Variants in PDE8B observed in about 807,000 individuals in gnomAD.
PDE8B encodes phosphodiesterase 8B.
In PDE8B, 26 loss-of-function variants were observed where a neutral mutation model predicts 101.3. The ratio of observed to expected loss-of-function variants is 0.26; its 90% confidence interval spans 0.19 to 0.36. The LOEUF (loss-of-function observed/expected upper bound fraction) is 0.36. Among genes scored for constraint, PDE8B ranks in the 10% least tolerant of loss-of-function variants. PDE8B has a pLI of 1.00. For synonymous variants in PDE8B, 424 were observed against 429.3 expected (o/e 0.99, Z 0.15); for missense variants, 810 against 1,163.1 (o/e 0.70, Z 4.42).
At chr5:77,418,160 C>A in intron 17 of PDE8B, 69 bp from the exon 18 acceptor site, 1 of 1,035,140 alleles carries the variant, frequency 9.7e-7, no homozygotes, top group Non-Finnish European at 1.5e-6. Flanking sequence ...ACCCTCCGCA[C>A]AGACAAGGAT....
At chr5:77,232,510 G>C (rs1478684790) in intron 1 of PDE8B, among the ~76,000 whole-genome samples, 2 of 152,198 alleles carry the variant, frequency 1.3e-5, no homozygotes, top group Non-Finnish European at 2.9e-5. Flanking sequence ...CATAGCTTAG[G>C]GGGAAGATGC....
At chr5:77,145,815 T>G in the PDE8B span, 1 of 152,160 alleles carries the variant, frequency 6.6e-6, no homozygotes, top group African/African-American at 2.4e-5. Flanking sequence ...AAAATTCTAC[T>G]GGCAGGAAGC....
At chr5:77,278,904 G>T (rs1764392184) in intron 1 of PDE8B, among the ~76,000 whole-genome samples, 1 of 152,042 alleles carries the variant, frequency 6.6e-6, no homozygotes. Flanking sequence ...AGTTCATTCA[G>T]GGTATGAAAT....
chr5:77,240,311 G>C (rs1049955240), intron 1 of PDE8B, among the ~76,000 whole-genome samples: 1 of 152,070 alleles, frequency 6.6e-6, no homozygotes, highest in Non-Finnish European at 1.5e-5. Flanking sequence ...CCGCCACCGC[G>C]CCCGGCTACT....
the PDE8B span, among the ~76,000 whole-genome samples, chr5:77,134,806 G>A: frequency 1.3e-5 from 2 of 152,178 alleles, no homozygotes; most frequent in Admixed American, 1.3e-4. Context: ...GCGATCTCAA[G>A]ACAACTGGCG....
At chr5:77,097,685 T>TTTTATA in the PDE8B span, among the ~76,000 whole-genome samples, 1 of 18,116 alleles carries the variant, frequency 5.5e-5, no homozygotes, top group African/African-American at 1.3e-4. Flanking sequence ...TGTGGAGATT[T>TTTTATA]TATATATCTA....
chr5:77,385,039 G>C (rs1467286497), intron 10 of PDE8B, among the ~76,000 whole-genome samples: 1 of 152,168 alleles, frequency 6.6e-6, no homozygotes, highest in Admixed American at 6.5e-5. Context: ...AATAGTTTTA[G>C]AATGAATGGT....
intron 10 of PDE8B, among the ~76,000 whole-genome samples, chr5:77,397,026 A>ATTTTTTTTTTTTTTTTTTTGTTTT (rs1791209954): frequency 1.2e-5 from 1 of 84,420 alleles, no homozygotes; most frequent in African/African-American, 5.5e-5. Context: ...CCGATAAGAA[A>ATTTTTTTTTTTTTTTTTTTGTTTT]TTTTTTTTTT....
intron 10 of PDE8B, among the ~76,000 whole-genome samples, chr5:77,370,669 A>G (rs1370722292): frequency 6.6e-6 from 1 of 152,218 alleles, no homozygotes; most frequent in Admixed American, 6.5e-5. Context: ...CTCTTGGGAA[A>G]ATACCTAGGA....
chr5:77,411,614 A>T (rs1794579500), intron 14 of PDE8B, 62 bp from the exon 15 acceptor site: 5 of 1,380,552 alleles, frequency 3.6e-6, no homozygotes, highest in South Asian at 3.6e-5. Flanking sequence ...TAATAATAAA[A>T]AAAAAAAGAG....
chr5:77,329,688 T>A (rs577186512), intron 4 of PDE8B, among the ~76,000 whole-genome samples: 2 of 152,232 alleles, frequency 1.3e-5, no homozygotes, highest in Non-Finnish European at 2.9e-5. Flanking sequence ...AGAAAAGTTG[T>A]CTGTGCAAGC....
At chr5:77,282,400 C>A (rs1409387061) in intron 1 of PDE8B, among the ~76,000 whole-genome samples, 1 of 152,090 alleles carries the variant, frequency 6.6e-6, no homozygotes, top group Non-Finnish European at 1.5e-5. Flanking sequence ...TCTCAGCCCC[C>A]ACACTGCGCT....
the PDE8B span, among the ~76,000 whole-genome samples, chr5:77,193,676 C>G: frequency 6.6e-6 from 1 of 152,030 alleles, no homozygotes; most frequent in African/African-American, 2.4e-5. Flanking sequence ...CATAATTTTT[C>G]TAATCATTTT....
chr5:77,364,660 C>T (rs1254921879), intron 10 of PDE8B, among the ~76,000 whole-genome samples: 2 of 152,130 alleles, frequency 1.3e-5, no homozygotes, highest in African/African-American at 4.8e-5. Context: ...GTGGCTTCAA[C>T]TTTTCCTCAT....
the PDE8B span, among the ~76,000 whole-genome samples, chr5:77,095,211 C>T: frequency 2.0e-5 from 3 of 152,150 alleles, no homozygotes; most frequent in Non-Finnish European, 2.9e-5. Context: ...AAGACACTCT[C>T]ATAATAAGCA....
chr5:77,111,674 T>G, the PDE8B span, among the ~76,000 whole-genome samples: 1 of 152,212 alleles, frequency 6.6e-6, no homozygotes, highest in African/African-American at 2.4e-5. Flanking sequence ...GTAGAATTTT[T>G]CTGATACCTG....
chr5:77,320,016 TC>T (rs1305556689), intron 2 of PDE8B, among the ~76,000 whole-genome samples: 2 of 152,218 alleles, frequency 1.3e-5, no homozygotes, highest in Admixed American at 6.5e-5. Flanking sequence ...TTTTTTCATT[TC>T]CCTATATATT....
the PDE8B span, among the ~76,000 whole-genome samples, chr5:77,159,568 T>C: frequency 1.3e-5 from 2 of 152,196 alleles, no homozygotes; most frequent in South Asian, 2.1e-4. Context: ...TAAGTTAATA[T>C]GTAATCAACT....
chr5:77,291,616 G>T (rs1767359750), intron 1 of PDE8B: 2 of 1,597,726 alleles, frequency 1.3e-6, no homozygotes, highest in Non-Finnish European at 1.7e-6. Context: ...GGATCAGACT[G>T]TGGCACTGTA....
Sources: allele counts gnomAD v4.1 joint callset (sites outside exome capture counted in the v4.1 genomes callset), GRCh38; gene constraint gnomAD v4.1.1; transcripts MANE v1.5; gene names NCBI Gene and HGNC (gene_info 2026-07-23, HGNC 2026-07-21).